ANGPT2: variants seen among roughly 807,000 people sequenced by gnomAD.
The protein encoded by ANGPT2 is angiopoietin 2, also known as angiopoietin-2.
A neutral mutation model predicts 62.9 loss-of-function variants in ANGPT2; 28 were observed. The observed-to-expected ratio is 0.44, with a 90% confidence interval of 0.33 to 0.61. The LOEUF (loss-of-function observed/expected upper bound fraction) is 0.61. Among genes scored for constraint, ANGPT2 ranks in the 20% least tolerant of loss-of-function variants. ANGPT2 has a pLI of 0.03. For synonymous variants in ANGPT2, 284 were observed against 207.8 expected (o/e 1.37, Z -3.15); for missense variants, 727 against 594.9 (o/e 1.22, Z -2.31).
At chr8:6,544,362 A>G (rs1822155946) in intron 1 of ANGPT2, among the ~76,000 whole-genome samples, 1 of 152,244 alleles carries the variant, frequency 6.6e-6, no homozygotes, top group Non-Finnish European at 1.5e-5. Flanking sequence ...ACTGTGCTGG[A>G]AAGAGAGACT....
intron 2 of ANGPT2, among the ~76,000 whole-genome samples, chr8:6,531,271 T>C (rs1226650934): frequency 6.6e-6 from 1 of 151,460 alleles, no homozygotes; most frequent in East Asian, 1.9e-4. Flanking sequence ...GTTATTTTAC[T>C]AGTTTCTTTC....
intron 3 of ANGPT2, among the ~76,000 whole-genome samples, chr8:6,525,136 C>T (rs1439814604): frequency 6.6e-6 from 1 of 152,206 alleles, no homozygotes; most frequent in Non-Finnish European, 1.5e-5. Flanking sequence ...CAATATTAAC[C>T]AGCCAAGGAA....
chr8:6,520,039 C>G (rs776386762), intron 4 of ANGPT2, 48 bp from the exon 5 acceptor site: 9 of 1,598,644 alleles, frequency 5.6e-6, no homozygotes, highest in Non-Finnish European at 6.0e-6. Flanking sequence ...CATGAAAAGA[C>G]AAAGACTTGT....
rs866771485 is a variant in ANGPT2, at chr8:6,505,336, A to T, written c.1328-2075T>A. Among the ~76,000 whole-genome samples the T allele has an allele frequency of 9.8e-3, 409 of 41,804 alleles. 72 individuals are homozygous for T. Among genetic ancestry groups the T allele is most frequent in the African/African-American group, 0.036 (343 of 9,494 alleles). 27.4% of individuals were successfully genotyped at this position (41,804 alleles called of 152,430 possible). ...CATATATATGTTATATACATATAGAAAGAATATATATATTCTTTCTATATG... is the reference window on the plus strand; with the variant it reads ...CATATATATGTTATATACATATAGATAGAATATATATATTCTTTCTATATG... On this transcript the variant is annotated intron_variant, in intron 8 of 8. Coordinates refer to ENST00000629816, the MANE Select transcript of ANGPT2 (RefSeq NM_001118887.2).
At chr8:6,525,795 A>G (rs961984824) in intron 3 of ANGPT2, among the ~76,000 whole-genome samples, 1 of 152,212 alleles carries the variant, frequency 6.6e-6, no homozygotes, top group Non-Finnish European at 1.5e-5. Context: ...ATCTGTGACA[A>G]AAAAATACGA....
At chr8:6,525,528 C>G (rs1266993975) in intron 3 of ANGPT2, among the ~76,000 whole-genome samples, 1 of 152,186 alleles carries the variant, frequency 6.6e-6, no homozygotes, top group Non-Finnish European at 1.5e-5. Flanking sequence ...CTGTGCCTGG[C>G]TTGAATCTAT....
intron 8 of ANGPT2, chr8:6,508,207 C>T (rs1029411413): frequency 6.6e-6 from 1 of 152,216 alleles, no homozygotes; most frequent in African/African-American, 2.4e-5. Context: ...CTCAACACTT[C>T]TGGAGGCTGC....
intron 5 of ANGPT2, among the ~76,000 whole-genome samples, chr8:6,517,816 A>G (rs115228611): frequency 3.3e-3 from 498 of 152,308 alleles, no homozygotes; most frequent in African/African-American, 0.011. Flanking sequence ...AAGTCTGTCT[A>G]TCTCTCCCTG....
At chr8:6,526,971 G>A (rs537294944) in intron 3 of ANGPT2, among the ~76,000 whole-genome samples, 4 of 151,932 alleles carry the variant, frequency 2.6e-5, no homozygotes, top group African/African-American at 4.8e-5. Context: ...TTACTTTATC[G>A]TGTGTTTGAA....
intron 3 of ANGPT2, among the ~76,000 whole-genome samples, chr8:6,523,116 G>T (rs1817674144): frequency 6.6e-6 from 1 of 151,932 alleles, no homozygotes; most frequent in South Asian, 2.1e-4. Flanking sequence ...TCCTGCCTCA[G>T]TCTCCCGAGT....
intron 1 of ANGPT2, among the ~76,000 whole-genome samples, chr8:6,555,653 G>A (rs566647891): frequency 1.3e-5 from 2 of 151,958 alleles, no homozygotes; most frequent in Non-Finnish European, 1.5e-5. Flanking sequence ...GGTAGAGACG[G>A]GGTTTCATCG....
intron 8 of ANGPT2, chr8:6,508,522 T>C (rs1295788647): frequency 8.1e-6 from 2 of 245,538 alleles, no homozygotes; most frequent in African/African-American, 4.5e-5. Context: ...TCTTTGAACA[T>C]TAAATTATTA....
chr8:6,548,386 G>A (rs140966655), intron 1 of ANGPT2, among the ~76,000 whole-genome samples: 12 of 152,218 alleles, frequency 7.9e-5, no homozygotes, highest in African/African-American at 1.9e-4. Flanking sequence ...GAAATTTCCC[G>A]AAAATGGCAG....
intron 2 of ANGPT2, 129 bp downstream of exon 2, chr8:6,532,203 A>T (rs1304616639): frequency 6.4e-6 from 7 of 1,100,070 alleles, no homozygotes; most frequent in Non-Finnish European, 9.2e-6. Flanking sequence ...TTTCTTATCA[A>T]TTCATTCCTT....
At chr8:6,516,059 G>T (rs1041981987) in intron 5 of ANGPT2, among the ~76,000 whole-genome samples, 38 of 152,294 alleles carry the variant, frequency 2.5e-4, no homozygotes, top group Middle Eastern at 6.8e-3. Flanking sequence ...CTCCAGGAAG[G>T]TCACCCAGCT....
chr8:6,551,890 A>T (rs534232793), intron 1 of ANGPT2, among the ~76,000 whole-genome samples: 2 of 152,316 alleles, frequency 1.3e-5, no homozygotes, highest in South Asian at 4.1e-4. Flanking sequence ...TTGTTTAGGG[A>T]ATTTTTAAGC....
chr8:6,559,116 C>T (rs1187632291), intron 1 of ANGPT2, among the ~76,000 whole-genome samples: 1 of 152,012 alleles, frequency 6.6e-6, no homozygotes, highest in Non-Finnish European at 1.5e-5. Flanking sequence ...CCACGGGAGA[C>T]CAGTGGCTGT....
At chr8:6,547,332 G>T (rs1418789640) in intron 1 of ANGPT2, among the ~76,000 whole-genome samples, 1 of 152,000 alleles carries the variant, frequency 6.6e-6, no homozygotes, top group Non-Finnish European at 1.5e-5. Flanking sequence ...ATTAGTTTCA[G>T]TTCTGGAGGT....
At chr8:6,534,215 AT>A (rs1484950317) in intron 1 of ANGPT2, among the ~76,000 whole-genome samples, 7 of 152,032 alleles carry the variant, frequency 4.6e-5, no homozygotes, top group South Asian at 2.1e-4. Context: ...TAAAAAAAAA[AT>A]AACAATACAA....
Sources: allele counts gnomAD v4.1 joint callset (sites outside exome capture counted in the v4.1 genomes callset), GRCh38; gene constraint gnomAD v4.1.1; transcripts MANE v1.5; gene names NCBI Gene and HGNC (gene_info 2026-07-23, HGNC 2026-07-21).